The following AHNAK2 variants were observed in gnomAD, a reference collection of about 807,000 sequenced individuals.
The protein encoded by AHNAK2 is protein AHNAK2.
In AHNAK2, 18 loss-of-function variants were observed where a neutral mutation model predicts 30.7. The observed-to-expected ratio is 0.59, with a 90% CI of 0.41 to 0.87. The LOEUF is 0.87. Ranked by LOEUF, AHNAK2 falls within the 40% of genes least tolerant of loss-of-function variation. The pLI is 0.00. For missense variants in AHNAK2, 8,604 were observed against 7,373.0 expected (o/e 1.17, Z -6.11); for synonymous variants, 3,590 against 3,073.8 (o/e 1.17, Z -5.56).
rs1409196146 is a variant in AHNAK2, at chr14:104,944,806, C to T, written c.10645G>A (p.Gly3549Arg). The T allele has an allele frequency of 1.2e-6, 2 of 1,612,916 alleles. No homozygotes were observed. Among genetic ancestry groups the T allele is most frequent in the South Asian group, 2.2e-5 (2 of 91,046 alleles). The change falls in exon 7 of 7, where the codon GGA (glycine) becomes AGA (arginine). Residue 3549 changes from glycine (G) to arginine (R), a missense_variant. Coordinates refer to ENST00000333244, the MANE Select transcript of AHNAK2 (RefSeq NM_138420.4). ...GGCAGGTGCCCTTTGAGGCCGGCTCCCTCGGGCACGGGGCCCTCCAGGAGT... is the reference window on the plus strand; with the variant it reads ...GGCAGGTGCCCTTTGAGGCCGGCTCTCTCGGGCACGGGGCCCTCCAGGAGT... The part of the protein sequence containing the change: ...VELLEGPVPE[G>R]AGLKGHLPKV...
Position 104,953,518 on chromosome 14 carries a change from T to G in AHNAK2, c.1933A>C (p.Thr645Pro). The change falls in exon 7 of 7, where the codon ACA becomes CCA. Residue 645 changes from threonine to proline, a missense_variant. Transcript: ENST00000333244. Reference sequence around the variant, plus strand: ...TCGTGTATTAGTTGTATTTTTGTTGTGTTTGTCATTGAGTCACTGTCTTCT... The same window carrying G: ...TCGTGTATTAGTTGTATTTTTGTTGGGTTTGTCATTGAGTCACTGTCTTCT... ...DKEDSDSMTN[T>P]TKIQLIHDEK... 6.2e-7 allele frequency: 1 copy of G among 1,613,976 alleles called. No individual in the cohort carries two copies. The highest frequency in any genetic ancestry group is 8.5e-7 in the Non-Finnish European group (1 of 1,179,862).
rs1319343856 is a variant in AHNAK2, at chr14:104,953,536, T to G, written c.1915A>C (p.Ser639Arg). The change falls in exon 7 of 7, where the codon AGT (serine) becomes CGT (arginine). Residue 639 changes from serine (S) to arginine (R), a missense_variant. By Grantham distance (110) the Ser-to-Arg change is moderately radical. Transcript: ENST00000333244. ...TTTGTTGTGTTTGTCATTGAGTCAC[T>G]GTCTTCTTTGTCTTTTAATCCTTCC... ...TEEGLKDKED[S>R]DSMTNTTKIQ... 1 of 1,614,054 alleles carries G rather than the reference T, an allele frequency of 6.2e-7. No homozygotes were observed. Among genetic ancestry groups the G allele is most frequent in the Non-Finnish European group, 8.5e-7 (1 of 1,179,902 alleles).
Position 104,949,422 on chromosome 14 carries a change from G to A in AHNAK2, c.6029C>T (p.Ser2010Leu), listed in dbSNP as rs201899110. ...CACCTTGGGTGCAGGCACATCCACC[G>A]AGGCCTCGATGGACCTCCCTGGGGC... is the stretch of plus-strand genomic sequence containing the variant. ...VSAPGRSIEA[S>L]VDVPAPKVEA... Residue 2010 changes from serine to leucine, a missense_variant, in exon 7 of 7, where the codon TCG becomes TTG. Ser to Leu is a moderately radical substitution (Grantham distance 145). Coordinates refer to ENST00000333244, the MANE Select transcript of AHNAK2 (RefSeq NM_138420.4). 266 of 1,587,048 alleles carry A rather than the reference G, an allele frequency of 1.7e-4. 29 individuals are homozygous for A. Among genetic ancestry groups the A allele is most frequent in the Middle Eastern group, 1.7e-3 (10 of 6,032 alleles).
At chr14:104,968,182 C>G (rs1305770765) in intron 1 of AHNAK2, among the ~76,000 whole-genome samples, 1 of 152,232 alleles carries the variant, frequency 6.6e-6, no homozygotes, top group African/African-American at 2.4e-5. Flanking sequence ...ATTAACATTC[C>G]TGCGGGTGAA....
rs187750084 is a variant in AHNAK2, at chr14:104,945,991, C to T, written c.9460G>A (p.Gly3154Arg). The T allele has an allele frequency of 6.9e-5, 86 of 1,251,890 alleles. 23 individuals are homozygous for T. The highest frequency in any genetic ancestry group is 8.5e-5 in the Non-Finnish European group (76 of 888,900). The allele number at this position is 1,251,890 out of a possible 1,614,324, so 77.5% of individuals were successfully genotyped here. Residue 3154 changes from glycine to arginine, a missense_variant, in exon 7 of 7, where the codon GGG (glycine) becomes AGG (arginine). Transcript: ENST00000333244. Reference sequence around the variant, plus strand: ...ATGGACTTGCCTGGGGCAGACACCCCGAACGACGGCATCTTGAACTTGGGC... The same window carrying T: ...ATGGACTTGCCTGGGGCAGACACCCTGAACGACGGCATCTTGAACTTGGGC... The part of the protein sequence containing the change: ...KMPKFKMPSF[G>R]VSAPGKSIEV...
intron 1 of AHNAK2, among the ~76,000 whole-genome samples, chr14:104,973,255 G>A (rs542798869): frequency 6.6e-6 from 1 of 152,348 alleles, no homozygotes; most frequent in African/African-American, 2.4e-5. Context: ...AGAGCTGCTA[G>A]GACCCAGGAC....
chr14:104,954,887 C>A lies in AHNAK2; in HGVS notation c.651+70G>T. ...GGACAGATGGAGTGGGAGTGCTATC[C>A]CCTCCCAGGCTCAGCCAGCAGGGTA... On this transcript the variant is annotated intron_variant, in intron 6 of 6. Coordinates refer to ENST00000333244, the MANE Select transcript of AHNAK2 (RefSeq NM_138420.4). The surrounding 1 kb of genome is among the most constrained non-coding windows in gnomAD (Gnocchi z 4.3). 6.4e-7 allele frequency: 1 copy of A among 1,550,550 alleles called. No individual in the cohort carries two copies. Among genetic ancestry groups the A allele is most frequent in the Non-Finnish European group, 8.7e-7 (1 of 1,150,036 alleles).
Position 104,953,596 on chromosome 14 carries a change from C to T in AHNAK2, c.1855G>A (p.Ala619Thr), listed in dbSNP as rs1482836644. 12 of 1,613,990 alleles carry T rather than the reference C, an allele frequency of 7.4e-6. No individual in the cohort carries two copies. The highest frequency in any genetic ancestry group is 1.0e-5 in the Non-Finnish European group (12 of 1,179,896). The stretch of plus-strand genomic sequence containing the variant: ...CTCTGTTCTCTTCTATCAGCTGTTG[C>T]TGTGGCCTCTCCTTCCCTTCCCTGC... ...TEQGREGEATATADRREQRRT... is the reference protein window; with the variant it reads ...TEQGREGEATTTADRREQRRT... Residue 619 changes from alanine (A) to threonine (T), a missense_variant, in exon 7 of 7, where the codon GCA (alanine) becomes ACA (threonine). Ala to Thr is a moderately conservative substitution (Grantham distance 58, BLOSUM62 0). Transcript: ENST00000333244.
chr14:104,967,383 T>C (rs1179668461), intron 1 of AHNAK2, among the ~76,000 whole-genome samples: 1 of 152,206 alleles, frequency 6.6e-6, no homozygotes, highest in African/African-American at 2.4e-5. Context: ...CAAGGGCCCC[T>C]GAGCTGGGCA....
At position 104,952,048 on chromosome 14, in the gene AHNAK2, C is replaced by T. The variant is rs1898754527; in HGVS notation, c.3403G>A (p.Ala1135Thr). The T allele has an allele frequency of 6.2e-7, 1 of 1,612,590 alleles. No individual in the cohort carries two copies. The highest frequency in any genetic ancestry group is 1.7e-5 in the Admixed American group (1 of 59,946). ...SLPSVEVDVEAPGAKLDSARL... is the reference protein window; with the variant it reads ...SLPSVEVDVETPGAKLDSARL... ...GCACTGTCCAGCTTGGCTCCCGGGG[C>T]CTCGACGTCCACCTCCACGCTGGGC... The change falls in exon 7 of 7, where the codon GCC becomes ACC. Residue 1135 changes from alanine (A) to threonine (T), a missense_variant. Transcript: ENST00000333244.
In AHNAK2 at chr14:104,941,006, C is replaced by T; in HGVS notation, c.14445G>A (p.Gly4815=). The T allele has an allele frequency of 6.2e-7, 1 of 1,613,378 alleles. No homozygotes were observed. The highest frequency in any genetic ancestry group is 8.5e-7 in the Non-Finnish European group (1 of 1,179,896). ...TGGGAAGAGGAATATCAGCCTGAGA[C>T]CCAGAAGGAATTTCCAGAGCAAGCT... ...APELALEIPS[G]SQADIPLPKT... is the part of the protein sequence containing the mutation. The change falls in exon 7 of 7, where the codon GGG becomes GGA. Residue 4815 remains glycine, a synonymous_variant. Coordinates refer to ENST00000333244, the MANE Select transcript of AHNAK2 (RefSeq NM_138420.4).
rs748458962 is a variant in AHNAK2, at chr14:104,951,655, C to A, written c.3796G>T (p.Val1266Leu). 7 of 1,244,202 alleles carry A rather than the reference C, an allele frequency of 5.6e-6. 2 individuals carry two copies. Among genetic ancestry groups the A allele is most frequent in the Non-Finnish European group, 8.0e-6 (7 of 879,690 alleles). 77.1% of individuals were successfully genotyped at this position (1,244,202 alleles called of 1,614,324 possible). ...MPKVDLKGPQ[V>L]EVRGPKLDLK... ...TCCAGCTTGGGGCCCCTGACTTCCACCTGGGGGCCCTTGAGGTCCACTTTG... is the reference window on the plus strand; with the variant it reads ...TCCAGCTTGGGGCCCCTGACTTCCAACTGGGGGCCCTTGAGGTCCACTTTG... The change falls in exon 7 of 7, where the codon GTG (valine) becomes TTG (leucine). Residue 1266 changes from valine to leucine, a missense_variant. By Grantham distance (32) the Val-to-Leu change is conservative. Transcript: ENST00000333244.
In AHNAK2 at chr14:104,939,492, A is replaced by C; in HGVS notation, c.15959T>G (p.Val5320Gly). Residue 5320 changes from valine (V) to glycine (G), a missense_variant, in exon 7 of 7, where the codon GTT (valine) becomes GGT (glycine). Coordinates refer to ENST00000333244, the MANE Select transcript of AHNAK2 (RefSeq NM_138420.4). ...MPGMRLPETQVLPGEIDETPL... is the reference protein window; with the variant it reads ...MPGMRLPETQGLPGEIDETPL... ...AGTCTCATCTATTTCTCCTGGAAGAACCTGGGTTTCTGGAAGCCTCATGCC... is the reference window on the plus strand; with the variant it reads ...AGTCTCATCTATTTCTCCTGGAAGACCCTGGGTTTCTGGAAGCCTCATGCC... 1 of 1,613,580 alleles carries C rather than the reference A, an allele frequency of 6.2e-7. No individual in the cohort carries two copies. Among genetic ancestry groups the C allele is most frequent in the South Asian group, 1.1e-5 (1 of 91,072 alleles).
At position 104,943,108 on chromosome 14, in the gene AHNAK2, G is replaced by A. The variant is rs770493066; in HGVS notation, c.12343C>T (p.Leu4115=). The part of the protein sequence containing the change: ...APRAKLDGVQ[L]EGDLSLADKD... ...TCGGCCAGGGACAGGTCCCCCTCCAGCTGCACACCATCCAGCTTTGCTCTC... is the reference window on the plus strand; with the variant it reads ...TCGGCCAGGGACAGGTCCCCCTCCAACTGCACACCATCCAGCTTTGCTCTC... The change falls in exon 7 of 7, where the codon CTG becomes TTG. Residue 4115 remains leucine (L), a synonymous_variant. Transcript: ENST00000333244. 3.9e-5 allele frequency: 63 copies of A among 1,613,122 alleles called. No homozygotes were observed. Among genetic ancestry groups the A allele is most frequent in the South Asian group, 5.5e-5 (5 of 91,050 alleles).
chr14:104,956,301 G>A (rs986494965), intron 4 of AHNAK2, among the ~76,000 whole-genome samples: 1 of 152,114 alleles, frequency 6.6e-6, no homozygotes, highest in Admixed American at 6.5e-5. Flanking sequence ...TTGCACGGAG[G>A]AGAAAATCGA....
At chr14:104,964,731 TCA>T (rs1479796616) in intron 1 of AHNAK2, among the ~76,000 whole-genome samples, 1 of 152,162 alleles carries the variant, frequency 6.6e-6, no homozygotes, top group Non-Finnish European at 1.5e-5. Flanking sequence ...CACATCCAGC[TCA>T]CAGTCAGGCT....
At position 104,939,266 on chromosome 14, in the gene AHNAK2, G is replaced by A; in HGVS notation, c.16185C>T (p.Ser5395=). The change falls in exon 7 of 7, where the codon TCC becomes TCT. Residue 5395 remains serine, a synonymous_variant. Coordinates refer to ENST00000333244, the MANE Select transcript of AHNAK2 (RefSeq NM_138420.4). ...CATCCTCTGAGCTGGGGGCAGGGAA[G>A]GAGAACCTTGGTACCATTAATTTGG... ...KFPKLMVPRF[S]FPAPSSEDDV... is the part of the protein sequence containing the mutation. 6.2e-7 allele frequency: 1 copy of A among 1,613,888 alleles called. No homozygotes were observed. Among genetic ancestry groups the A allele is most frequent in the Non-Finnish European group, 8.5e-7 (1 of 1,179,896 alleles).
At chr14:104,961,282 A>C (rs1023876207) in intron 1 of AHNAK2, among the ~76,000 whole-genome samples, 1 of 152,292 alleles carries the variant, frequency 6.6e-6, no homozygotes, top group East Asian at 1.9e-4. Context: ...TGGGAGGCCG[A>C]GGCGGGCGGA....
At position 104,977,627 on chromosome 14, in the gene AHNAK2, C is replaced by T. The variant is rs2582491; in HGVS notation, c.55+556G>A. On this transcript the variant is annotated intron_variant, in intron 1 of 6. Transcript: ENST00000333244. ...CAGCCACACAGTAGACGCAGCCCAGCCCTGCCTGGAAGCCCCGGACCAAAG... is the reference window on the plus strand; with the variant it reads ...CAGCCACACAGTAGACGCAGCCCAGTCCTGCCTGGAAGCCCCGGACCAAAG... 2.3e-3 allele frequency among the ~76,000 whole-genome samples: 356 copies of T among 152,328 alleles called. 3 individuals are homozygous for T. Among genetic ancestry groups the T allele is most frequent in the African/African-American group, 8.2e-3 (343 of 41,586 alleles).
Sources: gnomAD v4.1 joint callset for allele counts (sites outside exome capture counted in the v4.1 genomes callset) on GRCh38, gnomAD v4.1.1 for gene constraint, Gnocchi (gnomAD v3.1) non-coding constraint, MANE v1.5 for transcripts, NCBI Gene and HGNC (gene_info 2026-07-23, HGNC 2026-07-21) for gene names.